Variants in STK10 observed in about 807,000 individuals in gnomAD.
STK10 encodes serine/threonine-protein kinase 10.
A neutral mutation model predicts 113.8 loss-of-function variants in STK10; 78 were observed. That is an observed-to-expected ratio of 0.69 (90% CI 0.57 to 0.83). The LOEUF (loss-of-function observed/expected upper bound fraction) is 0.83. Ranked by LOEUF, STK10 falls within the 40% of genes least tolerant of loss-of-function variation. The pLI, the probability that STK10 is intolerant of heterozygous loss-of-function variation, is 0.00. For missense variants in STK10, 1,109 were observed against 1,280.1 expected (o/e 0.87, Z 2.04); for synonymous variants, 465 against 494.7 (o/e 0.94, Z 0.80).
At chr5:172,091,561 C>T (rs527610438) in intron 9 of STK10, among the ~76,000 whole-genome samples, 197 of 143,052 alleles carry the variant, frequency 1.4e-3, no homozygotes, top group African/African-American at 5.1e-3. Flanking sequence ...GATGGAGTCT[C>T]GCTCTGTTGC....
intron 18 of STK10, chr5:172,045,401 G>GT (rs768113028): frequency 0.014 from 4,876 of 352,184 alleles, no homozygotes; most frequent in East Asian, 0.025. Context: ...GATGTCAGAA[G>GT]TTTTTTTTTT....
intron 16 of STK10, among the ~76,000 whole-genome samples, chr5:172,055,317 G>A (rs978694144): frequency 5.3e-5 from 8 of 151,796 alleles, no homozygotes; most frequent in East Asian, 1.9e-4. Context: ...CTCCCACCTC[G>A]GCCTTCCAAA....
At chr5:172,078,619 T>TAAAAAAAAAAAAAAAAAAAAAAA (rs58823824) in intron 12 of STK10, among the ~76,000 whole-genome samples, 2 of 72,872 alleles carry the variant, frequency 2.7e-5, no homozygotes, top group African/African-American at 3.6e-5. Flanking sequence ...GCCTCATCAT[T>TAAAAAAAAAAAAAAAAAAAAAAA]AAAAAAAAAA....
intron 12 of STK10, among the ~76,000 whole-genome samples, chr5:172,081,351 CAAA>C (rs58173076): frequency 1.0e-4 from 7 of 68,600 alleles, no homozygotes; most frequent in Admixed American, 3.4e-4. Context: ...ACTCCATCTC[CAAA>C]AAAAAAAAAA....
At position 172,120,623 on chromosome 5, in the gene STK10, T is replaced by C. The variant is rs6893649; in HGVS notation, c.371-2993A>G. Among the ~76,000 whole-genome samples, 26,470 of 152,132 alleles carry C rather than the reference T, an allele frequency of 0.17. 2,574 individuals are homozygous for C. Among genetic ancestry groups the C allele is most frequent in the African/African-American group, 0.27 (11,201 of 41,496 alleles). On this transcript the variant is annotated intron_variant, in intron 3 of 18. Coordinates refer to ENST00000176763, the MANE Select transcript of STK10 (RefSeq NM_005990.4). This position sits in a 1 kb window ranked among gnomAD's most constrained non-coding sequence, Gnocchi z 4.0. ...TCGCCCAAGCTCTCTGGCCCTTCAT[T>C]TCCTGGTCTGTGAAATGGGATGATT...
Position 172,082,443 on chromosome 5 carries a change from C to T in STK10, c.1872G>A (p.Val624=). The part of the protein sequence containing the change: ...ENLERQQKQQ[V]EKMEQDHAVR... Reference sequence around the variant, plus strand: ...CGGCATGGTCTTGCTCCATCTTCTCCACTTGCTGCTTTTGCTGACGCTCCA... The same window carrying T: ...CGGCATGGTCTTGCTCCATCTTCTCTACTTGCTGCTTTTGCTGACGCTCCA... Residue 624 remains valine, a synonymous_variant, in exon 12 of 19, where the codon GTG becomes GTA. Transcript: ENST00000176763. The surrounding 1 kb of genome is among the most constrained non-coding windows in gnomAD (Gnocchi z 4.3). The T allele has an allele frequency of 6.2e-7, 1 of 1,611,588 alleles. No homozygotes were observed. The highest frequency in any genetic ancestry group is 8.5e-7 in the Non-Finnish European group (1 of 1,178,898).
chr5:172,050,111 G>C (rs1581129497), intron 18 of STK10, among the ~76,000 whole-genome samples: 1 of 152,166 alleles, frequency 6.6e-6, no homozygotes, highest in East Asian at 1.9e-4. Context: ...CCCACTCATA[G>C]TATTTTAGAA....
In STK10 at chr5:172,117,546, C is replaced by T; in HGVS notation, c.455G>A (p.Arg152Lys). The T allele has an allele frequency of 6.2e-7, 1 of 1,613,140 alleles. No homozygotes were observed. ...AGCTTTCAGATCTCGGTGGATGATC[C>T]TCTTGCTGTGCAGGAAGTTGAGGGC... Reference protein sequence around the residue: ...LEALNFLHSKRIIHRDLKAGN... With the variant: ...LEALNFLHSKKIIHRDLKAGN... Residue 152 changes from arginine (R) to lysine (K), a missense_variant, in exon 4 of 19, where the codon AGG becomes AAG. Arg to Lys is a conservative substitution (Grantham distance 26). Coordinates refer to ENST00000176763, the MANE Select transcript of STK10 (RefSeq NM_005990.4).
chr5:172,150,169 G>A (rs1770189429), intron 2 of STK10, among the ~76,000 whole-genome samples: 1 of 151,644 alleles, frequency 6.6e-6, no homozygotes, highest in South Asian at 2.1e-4. Context: ...CACACAGCCA[G>A]TTGGTCCCAG....
At chr5:172,108,896 TG>T (rs1303487159) in intron 4 of STK10, among the ~76,000 whole-genome samples, 3 of 151,842 alleles carry the variant, frequency 2.0e-5, no homozygotes, top group African/African-American at 7.2e-5. Flanking sequence ...GCGATTCTTG[TG>T]CCTCAGCCTC....
At chr5:172,153,492 C>G (rs1770288590) in intron 2 of STK10, among the ~76,000 whole-genome samples, 1 of 152,188 alleles carries the variant, frequency 6.6e-6, no homozygotes, top group Admixed American at 6.5e-5. Flanking sequence ...ATGAGCTAAT[C>G]TTGTCAAATT....
At chr5:172,131,061 T>C (rs1366628325) in intron 2 of STK10, among the ~76,000 whole-genome samples, 2 of 131,314 alleles carry the variant, frequency 1.5e-5, no homozygotes, top group East Asian at 4.3e-4. Flanking sequence ...TTTGACAGAG[T>C]CTCACTCTGT....
At chr5:172,088,233 T>C (rs541996619) in intron 10 of STK10, among the ~76,000 whole-genome samples, 1 of 152,122 alleles carries the variant, frequency 6.6e-6, no homozygotes, top group South Asian at 2.1e-4. Flanking sequence ...TTTAAAAAAA[T>C]ATGAGTATTA....
intron 7 of STK10, among the ~76,000 whole-genome samples, chr5:172,103,530 C>A (rs1171339595): frequency 6.6e-6 from 1 of 152,108 alleles, no homozygotes. Context: ...GTGCCTCTTA[C>A]AGGAAACAAT....
In STK10 at chr5:172,125,212, C is replaced by T. The variant is rs976498324; in HGVS notation, c.370+2161G>A. On this transcript the variant is annotated intron_variant, in intron 3 of 18. Transcript: ENST00000176763. ...CGGCATCTGCATATGCCCTAGTGAC[C>T]CACTGAGGGTTTTGATCAATCTCGT... 1.1e-4 allele frequency among the ~76,000 whole-genome samples: 16 copies of T among 152,088 alleles called. 1 individual carries two copies. Among genetic ancestry groups the T allele is most frequent in the African/African-American group, 3.9e-4 (16 of 41,402 alleles).
In STK10 at chr5:172,052,950, G is replaced by A. The variant is rs1581130785; in HGVS notation, c.2745C>T (p.Asp915=). 1 of 1,614,100 alleles carries A rather than the reference G, an allele frequency of 6.2e-7. No homozygotes were observed. The highest frequency in any genetic ancestry group is 8.5e-7 in the Non-Finnish European group (1 of 1,180,034). ...SHNQNLKEWR[D]KLRPRKKALE... ...TTACCTTCTTGCGCGGCCGAAGCTT[G>A]TCCCGCCATTCCTTCAGGTTCTGGT... The change falls in exon 18 of 19, where the codon GAC becomes GAT. Residue 915 remains aspartate (D), a synonymous_variant. Transcript: ENST00000176763.
intron 8 of STK10, among the ~76,000 whole-genome samples, chr5:172,095,188 G>A (rs143527751): frequency 3.5e-4 from 54 of 152,266 alleles, no homozygotes; most frequent in African/African-American, 1.3e-3. Flanking sequence ...GCCAGCCACC[G>A]GTTTTTAACC....
intron 10 of STK10, among the ~76,000 whole-genome samples, chr5:172,087,125 T>C (rs1336560297): frequency 1.3e-5 from 2 of 149,890 alleles, no homozygotes; most frequent in Admixed American, 6.7e-5. Flanking sequence ...TGTGTGTGTG[T>C]GTGTGTGTGT....
At chr5:172,156,982 A>C (rs1446580281) in intron 1 of STK10, among the ~76,000 whole-genome samples, 194 bp from the exon 2 acceptor site, 1 of 152,212 alleles carries the variant, frequency 6.6e-6, no homozygotes, top group African/African-American at 2.4e-5. Context: ...CACCCCTACA[A>C]CACTATGGAA....
Sources: gnomAD v4.1 joint callset for allele counts (sites outside exome capture counted in the v4.1 genomes callset) on GRCh38, gnomAD v4.1.1 for gene constraint, Gnocchi (gnomAD v3.1) non-coding constraint, MANE v1.5 for transcripts, NCBI Gene and HGNC (gene_info 2026-07-23, HGNC 2026-07-21) for gene names.